The following CENPP variants were observed in gnomAD, a reference collection of about 807,000 sequenced individuals.
The protein encoded by CENPP is centromere protein P.
A neutral mutation model predicts 35.6 loss-of-function variants in CENPP; 24 were observed. The observed-to-expected ratio is 0.67, with a 90% CI of 0.49 to 0.95. The LOEUF (loss-of-function observed/expected upper bound fraction) is 0.95. Ranked by LOEUF, CENPP falls within the 40% of genes least tolerant of loss-of-function variation. The pLI is 0.00. For synonymous variants in CENPP, 120 were observed against 125.5 expected (o/e 0.96, Z 0.29); for missense variants, 332 against 345.3 (o/e 0.96, Z 0.31).
At chr9:92,414,882 A>G (rs1001389848) in intron 5 of CENPP, 1 of 281,768 alleles carries the variant, frequency 3.5e-6, no homozygotes. Context: ...TGATATTTCT[A>G]TATTTAAAAA....
At chr9:92,374,965 C>T (rs1842091577) in intron 4 of CENPP, among the ~76,000 whole-genome samples, 1 of 152,148 alleles carries the variant, frequency 6.6e-6, no homozygotes, top group African/African-American at 2.4e-5. Flanking sequence ...TGCTGGATAT[C>T]AGTCTCAGGA....
intron 2 of CENPP, among the ~76,000 whole-genome samples, chr9:92,333,683 G>A (rs1017328153): frequency 2.0e-5 from 3 of 152,142 alleles, no homozygotes; most frequent in Non-Finnish European, 2.9e-5. Flanking sequence ...TACCGGAAGA[G>A]AAATATCTTG....
At chr9:92,403,190 T>C (rs753938477) in intron 5 of CENPP, 303 of 1,318,202 alleles carry the variant, frequency 2.3e-4, no homozygotes, top group Non-Finnish European at 2.7e-4. Flanking sequence ...TGCATTTAAA[T>C]GGGCAGTATT....
At chr9:92,501,419 G>A (rs879442991) in intron 5 of CENPP, among the ~76,000 whole-genome samples, 7 of 152,200 alleles carry the variant, frequency 4.6e-5, no homozygotes, top group Non-Finnish European at 8.8e-5. Flanking sequence ...GCATCTAAAT[G>A]CCTATCTGTA....
At chr9:92,360,809 A>T (rs1841726810) in intron 4 of CENPP, among the ~76,000 whole-genome samples, 1 of 151,774 alleles carries the variant, frequency 6.6e-6, no homozygotes, top group Non-Finnish European at 1.5e-5. Flanking sequence ...GGTTCACACC[A>T]TTCTTCTGCC....
chr9:92,541,982 T>A (rs1316190205), intron 5 of CENPP, among the ~76,000 whole-genome samples: 2 of 152,044 alleles, frequency 1.3e-5, no homozygotes, highest in Non-Finnish European at 2.9e-5. Context: ...TTAATAGAGA[T>A]GGGGTTTCAT....
At chr9:92,519,953 A>G (rs1343798702) in intron 5 of CENPP, among the ~76,000 whole-genome samples, 1 of 151,278 alleles carries the variant, frequency 6.6e-6, no homozygotes, top group Non-Finnish European at 1.5e-5. Context: ...AAGAACTCTT[A>G]CAACTCAACT....
At chr9:92,344,738 G>C (rs897049359) in intron 3 of CENPP, among the ~76,000 whole-genome samples, 4 of 151,368 alleles carry the variant, frequency 2.6e-5, no homozygotes, top group Non-Finnish European at 5.9e-5. Context: ...TAGTAGAGAC[G>C]GGGTTTCACC....
chr9:92,379,724 A>T, intron 4 of CENPP, 39 bp from the exon 5 acceptor site: 1 of 1,423,390 alleles, frequency 7.0e-7, no homozygotes, highest in Non-Finnish European at 9.9e-7. Context: ...TCTATCATTT[A>T]ATGATATTTA....
intron 5 of CENPP, among the ~76,000 whole-genome samples, chr9:92,546,703 AG>A: frequency 6.6e-6 from 1 of 152,366 alleles, no homozygotes; most frequent in South Asian, 2.1e-4. Flanking sequence ...TCTTGAAGTC[AG>A]TGAGACCAAG....
At chr9:92,559,351 C>T (rs554114955) in intron 5 of CENPP, among the ~76,000 whole-genome samples, 12 of 152,304 alleles carry the variant, frequency 7.9e-5, no homozygotes, top group African/African-American at 2.9e-4. Context: ...GACTCAGCTC[C>T]GGGTAAAATC....
chr9:92,403,210 A>C (rs1394198727), intron 5 of CENPP: 9 of 1,483,764 alleles, frequency 6.1e-6, no homozygotes, highest in Non-Finnish European at 5.5e-6. Flanking sequence ...TTTAGAAGCT[A>C]AATTTAGAAT....
chr9:92,400,648 A>T (rs1357628598), intron 5 of CENPP, among the ~76,000 whole-genome samples: 1 of 152,130 alleles, frequency 6.6e-6, no homozygotes, highest in African/African-American at 2.4e-5. Context: ...ATTAAGTAGG[A>T]CTTGTAATTT....
chr9:92,547,329 T>G (rs752284088), intron 5 of CENPP, among the ~76,000 whole-genome samples: 2 of 152,242 alleles, frequency 1.3e-5, no homozygotes, highest in Non-Finnish European at 2.9e-5. Flanking sequence ...AAAACACATA[T>G]GTCCACATGA....
rs1850431518 is a variant in CENPP at position 92,581,768 on chromosome 9, A to C, written c.565-29546A>C. 1.3e-5 allele frequency among the ~76,000 whole-genome samples: 2 copies of C among 152,336 alleles called. 1 individual carries two copies. The highest frequency in any genetic ancestry group is 2.9e-5 in the Non-Finnish European group (2 of 68,024). The stretch of plus-strand genomic sequence containing the variant: ...AAGAAGGAATAAAAAGCAAAGAATA[A>C]GGTAAATATGTCAAACAGTGACTGT... On this transcript the variant is annotated intron_variant, in intron 5 of 7. Coordinates refer to ENST00000375587, the MANE Select transcript of CENPP (RefSeq NM_001012267.3).
At chr9:92,564,161 C>T (rs1462933981) in intron 5 of CENPP, among the ~76,000 whole-genome samples, 2 of 151,976 alleles carry the variant, frequency 1.3e-5, no homozygotes, top group East Asian at 3.9e-4. Context: ...CCGAGGTGGG[C>T]AGATGACTTG....
At chr9:92,512,148 T>G (rs776796835) in intron 5 of CENPP, 4 of 1,566,792 alleles carry the variant, frequency 2.6e-6, no homozygotes, top group East Asian at 2.2e-5. Flanking sequence ...AGCGGTTATG[T>G]TTTAGGCATG....
chr9:92,616,335 C>T lies in CENPP; in HGVS notation c.*3186C>T. On this transcript the variant is annotated 3_prime_UTR_variant, in exon 8 of 8. Coordinates refer to ENST00000375587, the MANE Select transcript of CENPP (RefSeq NM_001012267.3). Reference sequence around the variant, plus strand: ...TGCAAAGCTTCCTCAGGCCAGTGCACCCCACCATACCAGGCGAGAGAGGGT... The same window carrying T: ...TGCAAAGCTTCCTCAGGCCAGTGCATCCCACCATACCAGGCGAGAGAGGGT... The T allele has an allele frequency of 2.7e-6, 1 of 365,288 alleles. No homozygotes were observed. Among genetic ancestry groups the T allele is most frequent in the Non-Finnish European group, 5.1e-6 (1 of 197,986 alleles). 22.6% of individuals were successfully genotyped at this position (365,288 alleles called of 1,614,324 possible).
chr9:92,599,939 G>A (rs1850869813), intron 5 of CENPP, among the ~76,000 whole-genome samples: 2 of 152,264 alleles, frequency 1.3e-5, no homozygotes, highest in African/African-American at 4.8e-5. Flanking sequence ...GCTTCCCTGG[G>A]GGACCAGTGG....
Sources: allele counts gnomAD v4.1 joint callset (sites outside exome capture counted in the v4.1 genomes callset), GRCh38; gene constraint gnomAD v4.1.1; transcripts MANE v1.5; gene names NCBI Gene and HGNC (gene_info 2026-07-23, HGNC 2026-07-21).